Variants in CHD9 observed in about 807,000 individuals in gnomAD.
CHD9 encodes chromodomain helicase DNA binding protein 9, also known as ATP-dependent chromatin remodeler CHD9.
Under a neutral mutation model 316.1 loss-of-function variants are expected in CHD9, and 77 were observed. The observed-to-expected ratio is 0.24, with a 90% confidence interval of 0.20 to 0.29. The LOEUF (loss-of-function observed/expected upper bound fraction) is 0.29, where lower values mean the gene tolerates loss of function less well. Ranked by LOEUF, CHD9 falls within the 10% of genes least tolerant of loss-of-function variation. The pLI is 1.00. For synonymous variants in CHD9, 1,129 were observed against 1,158.3 expected, an observed-to-expected ratio of 0.97 and a Z score of 0.51; for missense variants, 2,763 against 3,438.1, an observed-to-expected ratio of 0.80 and a Z score of 4.91.
At chr16:53,146,782 G>C (rs1722144215) in intron 1 of CHD9, among the ~76,000 whole-genome samples, 1 of 145,152 alleles carries the variant, frequency 6.9e-6, no homozygotes, top group Non-Finnish European at 1.5e-5. Flanking sequence ...CTGGGGGACA[G>C]AGTGAGACGG....
At chr16:53,247,242 G>A in intron 15 of CHD9, 51 bp from the exon 16 acceptor site, 1 of 1,311,702 alleles carries the variant, frequency 7.6e-7, no homozygotes, top group Non-Finnish European at 1.1e-6. Flanking sequence ...AAGCAATTGG[G>A]AATTTCCTGC....
rs1015835435 is a variant in CHD9 at position 53,325,369 on chromosome 16, A to G, written c.*474A>G. The G allele has an allele frequency of 2.0e-5, 3 of 153,710 alleles. No homozygotes were observed. Among genetic ancestry groups the G allele is most frequent in the African/African-American group, 4.8e-5 (2 of 41,456 alleles). The allele number at this position is 153,710 out of a possible 1,614,324, so 9.5% of individuals were successfully genotyped here. A position where few individuals can be genotyped will look rare whatever the true frequency, so the allele number is the denominator to read the frequency against. On this transcript the variant is annotated 3_prime_UTR_variant, in exon 39 of 39. Coordinates refer to ENST00000447540, the MANE Select transcript of CHD9 (RefSeq NM_001308319.2). ...CATCACCATCCATTGCTTTAATTACATGAAAATGCTCTAGTGTTGTGATGC... is the reference window on the plus strand; with the variant it reads ...CATCACCATCCATTGCTTTAATTACGTGAAAATGCTCTAGTGTTGTGATGC...
intron 3 of CHD9, among the ~76,000 whole-genome samples, chr16:53,215,667 T>C (rs2046698515): frequency 6.6e-6 from 1 of 152,166 alleles, no homozygotes; most frequent in Non-Finnish European, 1.5e-5. Flanking sequence ...TTGGATGTAT[T>C]AATTACAACA....
intron 34 of CHD9, among the ~76,000 whole-genome samples, chr16:53,313,585 C>G (rs1207227747): frequency 2.0e-5 from 3 of 151,924 alleles, no homozygotes; most frequent in Non-Finnish European, 4.4e-5. Context: ...GGATTACAGG[C>G]GTGAGCCACT....
At position 53,231,660 on chromosome 16, in the gene CHD9, A is replaced by G. The variant is rs749354861; in HGVS notation, c.2387A>G (p.Tyr796Cys). ...ATTTTTTTACAGCCTGTTATTTACT[A>G]CTTAGTAAAATGGTGCTCATTGCCA... ...DKDTGEPVIYYLVKWCSLPYE... is the reference protein window; with the variant it reads ...DKDTGEPVIYCLVKWCSLPYE... The change falls in exon 10 of 39, where the codon TAC becomes TGC. Residue 796 changes from tyrosine to cysteine, a missense_variant. Tyr to Cys is a radical substitution (Grantham distance 194). Transcript: ENST00000447540. The G allele has an allele frequency of 2.5e-6, 4 of 1,588,694 alleles. No individual in the cohort carries two copies. Among genetic ancestry groups the G allele is most frequent in the Non-Finnish European group, 3.4e-6 (4 of 1,168,180 alleles).
At chr16:53,270,201 T>G (rs2052109346) in intron 22 of CHD9, among the ~76,000 whole-genome samples, 1 of 148,758 alleles carries the variant, frequency 6.7e-6, no homozygotes, top group Admixed American at 6.8e-5. Context: ...GGAGTCTCAC[T>G]TTGTTGCCCA....
At chr16:53,194,597 G>C (rs753204176) in intron 2 of CHD9, among the ~76,000 whole-genome samples, 1 of 152,064 alleles carries the variant, frequency 6.6e-6, no homozygotes, top group Non-Finnish European at 1.5e-5. Context: ...TAAAAATAAA[G>C]TAAAACAAGC....
At chr16:53,191,137 A>G (rs1282918293) in intron 2 of CHD9, among the ~76,000 whole-genome samples, 1 of 152,132 alleles carries the variant, frequency 6.6e-6, no homozygotes, top group Non-Finnish European at 1.5e-5. Context: ...TCACTGATTT[A>G]CTTTCTGCCA....
intron 17 of CHD9, among the ~76,000 whole-genome samples, chr16:53,251,252 C>T (rs2050103314): frequency 6.6e-6 from 1 of 152,218 alleles, no homozygotes; most frequent in African/African-American, 2.4e-5. Context: ...CCAATTCCTA[C>T]ATTAAACCCA....
chr16:53,146,706 C>T lies in CHD9; in HGVS notation c.-164-9220C>T, dbSNP rs1356591389. 4.0e-5 allele frequency among the ~76,000 whole-genome samples: 6 copies of T among 148,578 alleles called. No individual in the cohort carries two copies. The Admixed American group carries it at 4.0e-4, about 10-fold the overall frequency. The stretch of plus-strand genomic sequence containing the variant: ...CCCAGCTACTTGGGAGGCTGAGGCA[C>T]GAGAATCTCTTGAGCCTGGGAGGCA... On this transcript the variant is annotated intron_variant, in intron 1 of 38. Coordinates refer to ENST00000447540, the MANE Select transcript of CHD9 (RefSeq NM_001308319.2).
chr16:53,132,434 A>G (rs2039395796), intron 1 of CHD9, among the ~76,000 whole-genome samples: 1 of 152,238 alleles, frequency 6.6e-6, no homozygotes, highest in African/African-American at 2.4e-5. Context: ...AAACGAAAAG[A>G]AGGCTTATCT....
At chr16:53,296,836 T>C in intron 29 of CHD9, 120 bp from the exon 30 acceptor site, 1 of 624,158 alleles carries the variant, frequency 1.6e-6, no homozygotes, top group Non-Finnish European at 2.7e-6. Context: ...AAGCTTGTAT[T>C]TAATCCTATA....
Position 53,293,061 on chromosome 16 carries a change from A to G in CHD9, c.5510+9A>G, listed in dbSNP as rs377156179. 277 of 1,594,492 alleles carry G rather than the reference A, an allele frequency of 1.7e-4. No individual in the cohort carries two copies. In the African/African-American group the frequency reaches 3.1e-3, roughly 18 times the overall value. Reference sequence around the variant, plus strand: ...ATAGAAAGACAGCAAAGGTAAGACAATAACACTAAATTTTTAATGTATTGT... The same window carrying G: ...ATAGAAAGACAGCAAAGGTAAGACAGTAACACTAAATTTTTAATGTATTGT... On this transcript the variant is annotated intron_variant, in intron 29 of 38. Coordinates refer to ENST00000447540, the MANE Select transcript of CHD9 (RefSeq NM_001308319.2).
Position 53,235,326 on chromosome 16 carries a change from A to G in CHD9, c.2633+20A>G. ...CAATAGGTATGTAGTATATCTTAAT[A>G]AAAAAAATTTATTTTTTTAATGTGT... On this transcript the variant is annotated intron_variant, in intron 11 of 38. Coordinates refer to ENST00000447540, the MANE Select transcript of CHD9 (RefSeq NM_001308319.2). 1 of 1,486,278 alleles carries G rather than the reference A, an allele frequency of 6.7e-7. No homozygotes were observed. Among genetic ancestry groups the G allele is most frequent in the Non-Finnish European group, 9.0e-7 (1 of 1,112,076 alleles). The allele number at this position is 1,486,278 out of a possible 1,614,324, so 92.1% of individuals were successfully genotyped here.
rs1243256678 is a variant in CHD9 at position 53,325,617 on chromosome 16, ATAT to A, written c.*723_*725del. 1 of 152,578 alleles carries A rather than the reference ATAT, an allele frequency of 6.6e-6. No homozygotes were observed. The highest frequency in any genetic ancestry group is 1.5e-5 in the Non-Finnish European group (1 of 68,002). 9.5% of individuals were successfully genotyped at this position (152,578 alleles called of 1,614,324 possible). A position where few individuals can be genotyped will look rare whatever the true frequency, so the allele number is the denominator to read the frequency against. On this transcript the variant is annotated 3_prime_UTR_variant, in exon 39 of 39. Transcript: ENST00000447540. ...TTGCTTTTTGCTGAGCTTAATTCAGATATCAGTAAAATTAAGTCATAAAATAAT... is the reference window on the plus strand; with the variant it reads ...TTGCTTTTTGCTGAGCTTAATTCAGACAGTAAAATTAAGTCATAAAATAAT...
chr16:53,303,886 G>C lies in CHD9; in HGVS notation c.5880G>C (p.Trp1960Cys). The C allele has an allele frequency of 6.2e-7, 1 of 1,613,980 alleles. No homozygotes were observed. The highest frequency in any genetic ancestry group is 8.5e-7 in the Non-Finnish European group (1 of 1,179,882). The change falls in exon 31 of 39, where the codon TGG (tryptophan) becomes TGC (cysteine). Residue 1960 changes from tryptophan (W) to cysteine (C), a missense_variant. Around this residue, in one of 15 missense-constraint regions of CHD9, gnomAD observed 663 missense variants for 751.2 expected, o/e 0.88. Coordinates refer to ENST00000447540, the MANE Select transcript of CHD9 (RefSeq NM_001308319.2). ...ATCCAAATCCAGATTTACCAGTCTG[G>C]TGGGAATGTGGCCCTCATGATAGGG... ...LCHPNPDLPV[W>C]WECGPHDRDL... is the part of the protein sequence containing the mutation.
At chr16:53,248,897 A>T (rs1210956430) in intron 16 of CHD9, among the ~76,000 whole-genome samples, 4 of 152,198 alleles carry the variant, frequency 2.6e-5, no homozygotes, top group Non-Finnish European at 5.9e-5. Context: ...ATTAGAGATT[A>T]TGTAGTTCAT....
chr16:53,089,703 G>A (rs147821758), intron 1 of CHD9, among the ~76,000 whole-genome samples: 1 of 152,290 alleles, frequency 6.6e-6, no homozygotes, highest in East Asian at 1.9e-4. Context: ...GGTTAATCAA[G>A]GCCTGCCCTG....
chr16:53,215,902 G>A (rs1055356785), intron 3 of CHD9, among the ~76,000 whole-genome samples: 2 of 152,098 alleles, frequency 1.3e-5, no homozygotes, highest in African/African-American at 4.8e-5. Context: ...CTTATCAAAT[G>A]AATTTACATT....
Sources: allele counts gnomAD v4.1 joint callset (sites outside exome capture counted in the v4.1 genomes callset), GRCh38; gene constraint gnomAD v4.1.1; regional missense constraint gnomAD v4.1.1; transcripts MANE v1.5; gene names NCBI Gene and HGNC (gene_info 2026-07-23, HGNC 2026-07-21).